The following TAFA5 variants were observed in gnomAD, a reference collection of about 807,000 sequenced individuals.
TAFA5 encodes the protein TAFA chemokine like family member 5.
Under a neutral mutation model 15.3 loss-of-function variants are expected in TAFA5, and 6 were observed. The observed-to-expected ratio is 0.39, with a 90% confidence interval of 0.21 to 0.77. The LOEUF (loss-of-function observed/expected upper bound fraction) is 0.77, where lower values mean the gene tolerates loss of function less well. Ranked by LOEUF, TAFA5 falls within the 30% of genes least tolerant of loss-of-function variation. The probability of loss-of-function intolerance (pLI) is 0.41; values close to 1 mark genes in which losing one functional copy is unlikely to be tolerated. For missense variants in TAFA5, 161 were observed against 193.1 expected (o/e 0.83, Z 0.98); for synonymous variants, 103 against 80.7 (o/e 1.28, Z -1.48).
At chr22:48,643,008 G>T (rs1455900127) in intron 1 of TAFA5, among the ~76,000 whole-genome samples, 2 of 152,182 alleles carry the variant, frequency 1.3e-5, no homozygotes, top group African/African-American at 4.8e-5. Flanking sequence ...CTCATTTGGG[G>T]AATGGGACCC....
In TAFA5 at chr22:48,546,503, T is replaced by G. The variant is rs5768722; in HGVS notation, c.112+56799T>G. 8,428 of 471,122 alleles carry G rather than the reference T, an allele frequency of 0.018. 361 individuals carry two copies. In the East Asian group the frequency reaches 0.19, roughly 11 times the overall value. 29.2% of individuals were successfully genotyped at this position (471,122 alleles called of 1,614,324 possible). A position where few individuals can be genotyped will look rare whatever the true frequency, so the allele number is the denominator to read the frequency against. ...CAAACGGGGTGTGTGGACGCCCCTG[T>G]TTTTCTCACCTGGCTGGGCAGCCCG... On this transcript the variant is annotated intron_variant, in intron 1 of 3. Coordinates refer to ENST00000402357, the MANE Select transcript of TAFA5 (RefSeq NM_001082967.3).
chr22:48,693,483 G>A, intron 2 of TAFA5: 1 of 1,567,900 alleles, frequency 6.4e-7, no homozygotes, highest in South Asian at 1.2e-5. Flanking sequence ...GGGTAGATGA[G>A]GAAGCATAGC....
intron 3 of TAFA5, among the ~76,000 whole-genome samples, chr22:48,710,100 G>A (rs1436291109): frequency 6.6e-6 from 1 of 152,082 alleles, no homozygotes; most frequent in Non-Finnish European, 1.5e-5. Flanking sequence ...TCACCCACCA[G>A]GCACCATCGG....
intron 2 of TAFA5, among the ~76,000 whole-genome samples, chr22:48,683,126 G>C (rs759037826): frequency 1.3e-5 from 2 of 152,210 alleles, no homozygotes; most frequent in Admixed American, 1.3e-4. Context: ...GGCAATACCA[G>C]CTACAGGGTC....
At chr22:48,509,025 A>AT (rs1307872407) in intron 1 of TAFA5, among the ~76,000 whole-genome samples, 1 of 152,008 alleles carries the variant, frequency 6.6e-6, no homozygotes, top group Non-Finnish European at 1.5e-5. Flanking sequence ...TGAGCTCAGT[A>AT]TTTTTTAGCT....
At chr22:48,554,496 G>A (rs1368236341) in intron 1 of TAFA5, among the ~76,000 whole-genome samples, 3 of 152,140 alleles carry the variant, frequency 2.0e-5, no homozygotes, top group Admixed American at 6.5e-5. Context: ...TCTTTAGGGA[G>A]GCTTTGGAAA....
chr22:48,623,952 C>T (rs1925941270), intron 1 of TAFA5, among the ~76,000 whole-genome samples: 1 of 152,176 alleles, frequency 6.6e-6, no homozygotes, highest in Admixed American at 6.5e-5. Flanking sequence ...CTGGCATTGG[C>T]TTGTCATCTT....
intron 1 of TAFA5, among the ~76,000 whole-genome samples, chr22:48,500,655 C>T: frequency 6.6e-6 from 1 of 152,264 alleles, no homozygotes; most frequent in Non-Finnish European, 1.5e-5. Flanking sequence ...GCAGGCCTGA[C>T]TTGCGCTTCC....
At chr22:48,580,159 G>C (rs2147145376) in intron 1 of TAFA5, among the ~76,000 whole-genome samples, 1 of 152,314 alleles carries the variant, frequency 6.6e-6, no homozygotes, top group African/African-American at 2.4e-5. Context: ...ACTGTTGATT[G>C]AGTCAACGGA....
chr22:48,527,256 G>T (rs562631484), intron 1 of TAFA5, among the ~76,000 whole-genome samples: 1 of 152,354 alleles, frequency 6.6e-6, no homozygotes, highest in African/African-American at 2.4e-5. Context: ...CTCTGTAAAT[G>T]TCAAGGTCCA....
intron 2 of TAFA5, among the ~76,000 whole-genome samples, chr22:48,693,650 C>G (rs1208202394): frequency 1.3e-5 from 2 of 152,182 alleles, no homozygotes; most frequent in Admixed American, 1.3e-4. Flanking sequence ...CCTGCTCTCT[C>G]TCTGTCTCAG....
chr22:48,584,843 G>A (rs1924276193), intron 1 of TAFA5, among the ~76,000 whole-genome samples: 1 of 139,596 alleles, frequency 7.2e-6, no homozygotes, highest in South Asian at 2.3e-4. Flanking sequence ...ACAACACACA[G>A]CACACAACAC....
rs564396336 is a variant in TAFA5, at chr22:48,490,753, G to A, written c.112+1049G>A. Among the ~76,000 whole-genome samples, 10 of 145,186 alleles carry A rather than the reference G, an allele frequency of 6.9e-5. No individual in the cohort carries two copies. The East Asian group carries it at 2.0e-3, about 30-fold the overall frequency. ...TGGAGAATTGCCATGGGCGCGGGAGGTGATGGAAAAATATGGATTCTTTAC... is the reference window on the plus strand; with the variant it reads ...TGGAGAATTGCCATGGGCGCGGGAGATGATGGAAAAATATGGATTCTTTAC... On this transcript the variant is annotated intron_variant, in intron 1 of 3. Coordinates refer to ENST00000402357, the MANE Select transcript of TAFA5 (RefSeq NM_001082967.3). This position sits in a 1 kb window ranked among gnomAD's most constrained non-coding sequence, Gnocchi z 5.8.
At position 48,552,974 on chromosome 22, in the gene TAFA5, A is replaced by G. The variant is rs2147127490; in HGVS notation, c.112+63270A>G. 1.3e-5 allele frequency among the ~76,000 whole-genome samples: 2 copies of G among 152,200 alleles called. No individual in the cohort carries two copies. Among genetic ancestry groups the G allele is most frequent in the African/African-American group, 4.8e-5 (2 of 41,536 alleles). On this transcript the variant is annotated intron_variant, in intron 1 of 3. Coordinates refer to ENST00000402357, the MANE Select transcript of TAFA5 (RefSeq NM_001082967.3). The surrounding 1 kb of genome is among the most constrained non-coding windows in gnomAD (Gnocchi z 4.1). ...ATCTGAGGGGGGCTCGTCCCCAACCACCTGGTCACAGGCAGAGATTGGTCT... is the reference window on the plus strand; with the variant it reads ...ATCTGAGGGGGGCTCGTCCCCAACCGCCTGGTCACAGGCAGAGATTGGTCT...
intron 2 of TAFA5, among the ~76,000 whole-genome samples, chr22:48,696,999 A>G (rs1928732777): frequency 6.6e-6 from 1 of 152,170 alleles, no homozygotes; most frequent in South Asian, 2.1e-4. Context: ...TTAGATGAGA[A>G]ACCAGGGGCA....
At chr22:48,549,048 T>C (rs1182936246) in intron 1 of TAFA5, among the ~76,000 whole-genome samples, 2 of 152,362 alleles carry the variant, frequency 1.3e-5, no homozygotes, top group African/African-American at 4.8e-5. Flanking sequence ...TGTGAATTCA[T>C]TGGCATGAAA....
chr22:48,740,207 G>A (rs1221775810), intron 3 of TAFA5, among the ~76,000 whole-genome samples: 1 of 152,192 alleles, frequency 6.6e-6, no homozygotes, highest in Non-Finnish European at 1.5e-5. Context: ...CTAACTAGGA[G>A]CCCCAAGGAG....
chr22:48,661,832 G>GGAGCCTGC (rs1290064846), intron 2 of TAFA5, among the ~76,000 whole-genome samples: 2 of 152,198 alleles, frequency 1.3e-5, no homozygotes, highest in Non-Finnish European at 2.9e-5. Context: ...TGGGAGCCTG[G>GGAGCCTGC]GAGCCTGCAG....
chr22:48,520,426 C>G (rs908606722), intron 1 of TAFA5, among the ~76,000 whole-genome samples: 1 of 152,362 alleles, frequency 6.6e-6, no homozygotes, highest in Admixed American at 6.5e-5. Flanking sequence ...GGGCCCAAGG[C>G]TGTTCCAACA....
Sources: gnomAD v4.1 joint callset for allele counts (sites outside exome capture counted in the v4.1 genomes callset) on GRCh38, gnomAD v4.1.1 for gene constraint, Gnocchi (gnomAD v3.1) non-coding constraint, MANE v1.5 for transcripts, NCBI Gene and HGNC (gene_info 2026-07-23, HGNC 2026-07-21) for gene names.